DCLK3: variants seen among roughly 807,000 people sequenced by gnomAD.
The protein encoded by DCLK3 is serine/threonine-protein kinase DCLK3.
DCLK3 carries 30 observed loss-of-function variants against 46.4 expected under a neutral mutation model. The ratio of observed to expected loss-of-function variants is 0.65; its 90% confidence interval spans 0.48 to 0.88. The LOEUF is 0.88. Ranked by LOEUF, DCLK3 falls within the 40% of genes least tolerant of loss-of-function variation. DCLK3 has a pLI of 0.00. For missense variants in DCLK3, 846 were observed against 907.1 expected, an observed-to-expected ratio of 0.93 and a Z score of 0.87; for synonymous variants, 401 against 339.2, an observed-to-expected ratio of 1.18 and a Z score of -2.00.
Position 36,737,200 on chromosome 3 carries a change from A to G in DCLK3, c.1959+8T>C. ...CCCTCTCCCATATCATCAAAAGTCAAGGCTTACCAAAAGGTTTTCCGGCTT... is the reference window on the plus strand; with the variant it reads ...CCCTCTCCCATATCATCAAAAGTCAGGGCTTACCAAAAGGTTTTCCGGCTT... On this transcript the variant is annotated splice_region_variant and intron_variant, in intron 2 of 4. Transcript: ENST00000636136. The surrounding 1 kb of genome is among the most constrained non-coding windows in gnomAD (Gnocchi z 4.4). The G allele has an allele frequency of 6.2e-7, 1 of 1,610,338 alleles. No individual in the cohort carries two copies. Among genetic ancestry groups the G allele is most frequent in the Non-Finnish European group, 8.5e-7 (1 of 1,177,386 alleles).
chr3:36,717,595 T>C (rs1288401531), intron 4 of DCLK3, among the ~76,000 whole-genome samples: 3 of 152,180 alleles, frequency 2.0e-5, no homozygotes, highest in Non-Finnish European at 2.9e-5. Context: ...GAGATCTTCA[T>C]TGCAGAGCCC....
intron 2 of DCLK3, among the ~76,000 whole-genome samples, chr3:36,727,901 T>C (rs1371407967): frequency 6.6e-6 from 1 of 152,214 alleles, no homozygotes; most frequent in Non-Finnish European, 1.5e-5. Flanking sequence ...TTCAGAACAG[T>C]TCCTATCTTA....
chr3:36,759,953 T>C lies in DCLK3; in HGVS notation c.82+4229A>G, dbSNP rs1326960694. ...TCACCCACTCCCCGCAATCACACTGTGGCAGGGGCAGTGATGGGCCAATGG... is the reference window on the plus strand; with the variant it reads ...TCACCCACTCCCCGCAATCACACTGCGGCAGGGGCAGTGATGGGCCAATGG... On this transcript the variant is annotated intron_variant, in intron 1 of 4. Transcript: ENST00000636136. Among the ~76,000 whole-genome samples, 4 of 152,218 alleles carry C rather than the reference T, an allele frequency of 2.6e-5. 1 individual carries two copies. The highest frequency in any genetic ancestry group is 1.5e-5 in the Non-Finnish European group (1 of 68,032).
At chr3:36,739,300 C>G (rs531502217) in intron 1 of DCLK3, among the ~76,000 whole-genome samples, 31 of 152,332 alleles carry the variant, frequency 2.0e-4, no homozygotes, top group African/African-American at 6.0e-4. Context: ...ATTGGGCTTG[C>G]AGTGATTCCT....
chr3:36,731,705 C>T (rs1006854724), intron 2 of DCLK3, among the ~76,000 whole-genome samples: 3 of 152,174 alleles, frequency 2.0e-5, no homozygotes, highest in Admixed American at 6.5e-5. Context: ...TGTCTTTACC[C>T]TTAGGATGAC....
intron 1 of DCLK3, among the ~76,000 whole-genome samples, chr3:36,741,708 A>T (rs1267278436): frequency 6.6e-6 from 1 of 152,180 alleles, no homozygotes; most frequent in Non-Finnish European, 1.5e-5. Flanking sequence ...TGAAGGTAAG[A>T]CTCAATGTGG....
intron 1 of DCLK3, among the ~76,000 whole-genome samples, chr3:36,750,017 A>C (rs1203387035): frequency 3.3e-5 from 5 of 152,192 alleles, no homozygotes; most frequent in Admixed American, 2.0e-4. Flanking sequence ...CAAGTTTCTC[A>C]AGAAGAAATA....
At chr3:36,744,331 G>A (rs1384062095) in intron 1 of DCLK3, among the ~76,000 whole-genome samples, 1 of 152,228 alleles carries the variant, frequency 6.6e-6, no homozygotes, top group African/African-American at 2.4e-5. Context: ...TTAGATAAGT[G>A]AGGTGAAAAG....
At position 36,738,721 on chromosome 3, in the gene DCLK3, A is replaced by G; in HGVS notation, c.446T>C (p.Leu149Pro). ...GACGCTCCTGATTTCCCTGCCCTTG[A>G]GGTTAAACAGTTTCCTCACACGGTC... The part of the protein sequence containing the change: ...KNDRVRKLFN[L>P]KGREIRSVSD... The change falls in exon 2 of 5, where the codon CTC becomes CCC. Residue 149 changes from leucine to proline, a missense_variant. Physicochemically the swap from Leu to Pro is moderately conservative, Grantham distance 98 (BLOSUM62 -3). This residue lies in a region of DCLK3 where 553 missense variants were observed against 543.0 expected (regional missense o/e 1.02). Transcript: ENST00000636136. 6.1e-6 allele frequency: 8 copies of G among 1,317,486 alleles called. No homozygotes were observed. Among genetic ancestry groups the G allele is most frequent in the Non-Finnish European group, 7.8e-6 (8 of 1,027,412 alleles). The allele number at this position is 1,317,486 out of a possible 1,614,324, so 81.6% of individuals were successfully genotyped here.
rs1253263697 is a variant in DCLK3 at position 36,737,960 on chromosome 3, T to C, written c.1207A>G (p.Ser403Gly). The C allele has an allele frequency of 6.2e-7, 1 of 1,614,164 alleles. No individual in the cohort carries two copies. Among genetic ancestry groups the C allele is most frequent in the Admixed American group, 1.7e-5 (1 of 60,026 alleles). ...KEDRGPEDQESHAQGAAKAKK... is the reference protein window; with the variant it reads ...KEDRGPEDQEGHAQGAAKAKK... ...GCCTTGGCTGCTCCCTGAGCATGGC[T>C]TTCTTGATCCTCTGGGCCTCTGTCC... The change falls in exon 2 of 5, where the codon AGC becomes GGC. Residue 403 changes from serine (S) to glycine (G), a missense_variant. Transcript: ENST00000636136. The surrounding 1 kb of genome is among the most constrained non-coding windows in gnomAD (Gnocchi z 4.4).
chr3:36,733,020 C>A (rs1701218888), intron 2 of DCLK3, among the ~76,000 whole-genome samples: 1 of 152,172 alleles, frequency 6.6e-6, no homozygotes, highest in Admixed American at 6.5e-5. Context: ...ATTTTCCCTG[C>A]CACCCTTAGG....
intron 2 of DCLK3, among the ~76,000 whole-genome samples, chr3:36,723,058 T>C (rs887558549): frequency 1.3e-5 from 2 of 152,152 alleles, no homozygotes; most frequent in African/African-American, 4.8e-5. Flanking sequence ...AAAATGCTGA[T>C]AGTGATATGG....
intron 1 of DCLK3, among the ~76,000 whole-genome samples, chr3:36,751,888 G>A (rs1241800306): frequency 6.6e-6 from 1 of 152,204 alleles, no homozygotes; most frequent in Non-Finnish European, 1.5e-5. Context: ...TATTGGTTGG[G>A]TCATCAGAAT....
intron 2 of DCLK3, among the ~76,000 whole-genome samples, chr3:36,736,023 G>T (rs1055878752): frequency 6.6e-6 from 1 of 152,212 alleles, no homozygotes; most frequent in African/African-American, 2.4e-5. Context: ...GTGGGTGAAC[G>T]TGCCAGAGGG....
At chr3:36,757,577 C>T (rs188546129) in intron 1 of DCLK3, among the ~76,000 whole-genome samples, 3 of 152,078 alleles carry the variant, frequency 2.0e-5, no homozygotes, top group Non-Finnish European at 4.4e-5. Context: ...GCTAATAAAG[C>T]CATTCAAATC....
intron 1 of DCLK3, among the ~76,000 whole-genome samples, chr3:36,739,587 G>A (rs750833500): frequency 5.3e-5 from 8 of 152,146 alleles, no homozygotes; most frequent in Non-Finnish European, 1.2e-4. Context: ...ATGTAAGATG[G>A]GACTTGCCCT....
intron 2 of DCLK3, among the ~76,000 whole-genome samples, chr3:36,725,476 G>T (rs1701116027): frequency 6.6e-6 from 1 of 152,122 alleles, no homozygotes; most frequent in Non-Finnish European, 1.5e-5. Flanking sequence ...TATTAGCCAG[G>T]CATGGTGGTG....
At chr3:36,716,973 G>A (rs1335808244) in intron 4 of DCLK3, among the ~76,000 whole-genome samples, 1 of 152,172 alleles carries the variant, frequency 6.6e-6, no homozygotes, top group Admixed American at 6.5e-5. Flanking sequence ...CTTATTTAAA[G>A]GGGGGAAAAT....
intron 1 of DCLK3, among the ~76,000 whole-genome samples, chr3:36,741,453 C>A (rs1040826930): frequency 6.6e-6 from 1 of 152,094 alleles, no homozygotes; most frequent in Non-Finnish European, 1.5e-5. Flanking sequence ...TAGGCAGGCC[C>A]AAAGGATCAA....
Sources: gnomAD v4.1 joint callset for allele counts (sites outside exome capture counted in the v4.1 genomes callset) on GRCh38, gnomAD v4.1.1 for gene constraint, gnomAD v4.1.1 regional missense constraint, Gnocchi (gnomAD v3.1) non-coding constraint, MANE v1.5 for transcripts, NCBI Gene and HGNC (gene_info 2026-07-23, HGNC 2026-07-21) for gene names.